Variants in PRKN observed in about 807,000 individuals in gnomAD.
The protein encoded by PRKN is parkin RBR E3 ubiquitin protein ligase.
Under a neutral mutation model 59.5 loss-of-function variants are expected in PRKN, and 56 were observed. That is an observed-to-expected ratio of 0.94 (90% CI 0.76 to 1.18). The LOEUF is 1.18. PRKN is among the 50% of genes most tolerant of loss of function. PRKN has a pLI of 0.00. For synonymous variants in PRKN, 250 were observed against 222.1 expected (o/e 1.13, Z -1.12); for missense variants, 657 against 596.4 (o/e 1.10, Z -1.06).
At chr6:161,668,860 G>A (rs559590112) in intron 7 of PRKN, among the ~76,000 whole-genome samples, 2 of 152,250 alleles carry the variant, frequency 1.3e-5, no homozygotes, top group South Asian at 4.2e-4. Context: ...CCTGTGACCT[G>A]CTTCTACCCC....
chr6:161,390,794 G>A lies in PRKN; in HGVS notation c.1084-3917C>T, dbSNP rs191826325. 5.3e-5 allele frequency among the ~76,000 whole-genome samples: 8 copies of A among 152,206 alleles called. No homozygotes were observed. The highest frequency in any genetic ancestry group is 1.7e-4 in the African/African-American group (7 of 41,498). On this transcript the variant is annotated intron_variant, in intron 9 of 11. Transcript: ENST00000366898. This position sits in a 1 kb window ranked among gnomAD's most constrained non-coding sequence, Gnocchi z 7.0. ...ATGAGCCACCGTGCCTGGCCAAGAC[G>A]TGATTATTTTTAAGAATAAAATAAA... is the stretch of plus-strand genomic sequence containing the variant.
chr6:162,533,505 G>C (rs1778594797), intron 1 of PRKN, among the ~76,000 whole-genome samples: 1 of 152,082 alleles, frequency 6.6e-6, no homozygotes. Context: ...TCAAGCCTGG[G>C]TGACACAGTG....
At position 161,588,967 on chromosome 6, in the gene PRKN, C is replaced by A. The variant is rs572523814; in HGVS notation, c.872-19551G>T. Reference sequence around the variant, plus strand: ...AACCGGTATCCTCTAGTTTATCTGGCAGCCTTACCAAGCCATAATTCAGAG... The same window carrying A: ...AACCGGTATCCTCTAGTTTATCTGGAAGCCTTACCAAGCCATAATTCAGAG... On this transcript the variant is annotated intron_variant, in intron 7 of 11. Coordinates refer to ENST00000366898, the MANE Select transcript of PRKN (RefSeq NM_004562.3). This position sits in a 1 kb window ranked among gnomAD's most constrained non-coding sequence, Gnocchi z 5.0. Among the ~76,000 whole-genome samples, 1,230 of 152,238 alleles carry A rather than the reference C, an allele frequency of 8.1e-3. 5 individuals are homozygous for A. Among genetic ancestry groups the A allele is most frequent in the Non-Finnish European group, 0.014 (934 of 68,012 alleles).
intron 1 of PRKN, among the ~76,000 whole-genome samples, chr6:162,651,711 G>C (rs1033522948): frequency 2.6e-5 from 4 of 152,162 alleles, no homozygotes; most frequent in African/African-American, 7.2e-5. Flanking sequence ...CTCAGGTTAC[G>C]TAAGTGGATT....
intron 2 of PRKN, among the ~76,000 whole-genome samples, chr6:162,375,847 T>TACTTTTC (rs1046456500): frequency 3.0e-4 from 46 of 151,982 alleles, no homozygotes; most frequent in African/African-American, 1.1e-3. Flanking sequence ...CAAGTAAATA[T>TACTTTTC]ACTTTTCACT....
At chr6:162,145,585 T>C (rs1781989601) in intron 4 of PRKN, among the ~76,000 whole-genome samples, 1 of 152,026 alleles carries the variant, frequency 6.6e-6, no homozygotes, top group Non-Finnish European at 1.5e-5. Context: ...AAAGCAGAGA[T>C]TTATTGAAAG....
At chr6:161,914,335 A>G (rs950375612) in intron 6 of PRKN, among the ~76,000 whole-genome samples, 1 of 152,188 alleles carries the variant, frequency 6.6e-6, no homozygotes, top group African/African-American at 2.4e-5. Flanking sequence ...ACCTTTTATG[A>G]AAAAGATATA....
chr6:161,750,764 G>A (rs1788656729), intron 7 of PRKN, among the ~76,000 whole-genome samples: 1 of 145,588 alleles, frequency 6.9e-6, no homozygotes, highest in Non-Finnish European at 1.5e-5. Flanking sequence ...TGAAACTCTT[G>A]TCTCAAAAAA....
rs1450468124 is a variant in PRKN at position 161,473,243 on chromosome 6, C to T, written c.1083+75611G>A. Reference sequence around the variant, plus strand: ...TACAATAGCAAGATATGCAAACAACCTAAGTAAGCATCAAAGGATGAATGG... The same window carrying T: ...TACAATAGCAAGATATGCAAACAACTTAAGTAAGCATCAAAGGATGAATGG... On this transcript the variant is annotated intron_variant, in intron 9 of 11. Coordinates refer to ENST00000366898, the MANE Select transcript of PRKN (RefSeq NM_004562.3). This position sits in a 1 kb window ranked among gnomAD's most constrained non-coding sequence, Gnocchi z 4.1. 6.6e-6 allele frequency among the ~76,000 whole-genome samples: 1 copy of T among 151,612 alleles called. No homozygotes were observed. The highest frequency in any genetic ancestry group is 2.1e-4 in the South Asian group (1 of 4,776).
At position 161,514,979 on chromosome 6, in the gene PRKN, G is replaced by A. The variant is rs75075174; in HGVS notation, c.1083+33875C>T. Among the ~76,000 whole-genome samples, 1,421 of 149,598 alleles carry A rather than the reference G, an allele frequency of 9.5e-3. 19 individuals carry two copies. Among genetic ancestry groups the A allele is most frequent in the African/African-American group, 0.033 (1,358 of 40,944 alleles). ...GAGGTGGCAGTTGAGAGGCCCAATT[G>A]TTAGTTAAAGATGGGCCAGGGGGAA... On this transcript the variant is annotated intron_variant, in intron 9 of 11. Transcript: ENST00000366898.
chr6:162,542,552 T>A (rs1250219040), intron 1 of PRKN, among the ~76,000 whole-genome samples: 1 of 152,138 alleles, frequency 6.6e-6, no homozygotes, highest in Non-Finnish European at 1.5e-5. Flanking sequence ...AGAGACAGCG[T>A]GATGCATGAG....
In PRKN at chr6:161,526,257, A is replaced by T. The variant is rs1312219513; in HGVS notation, c.1083+22597T>A. Among the ~76,000 whole-genome samples, 1 of 152,266 alleles carries T rather than the reference A, an allele frequency of 6.6e-6. No homozygotes were observed. The highest frequency in any genetic ancestry group is 1.5e-5 in the Non-Finnish European group (1 of 68,044). ...CTGTGAACCTGGTACAGCTGGCTCC[A>T]GCCTCCAGTAGACACTCATGTGTTC... is the stretch of plus-strand genomic sequence containing the variant. On this transcript the variant is annotated intron_variant, in intron 9 of 11. Coordinates refer to ENST00000366898, the MANE Select transcript of PRKN (RefSeq NM_004562.3). This position sits in a 1 kb window ranked among gnomAD's most constrained non-coding sequence, Gnocchi z 4.1.
Position 161,643,978 on chromosome 6 carries a change from G to A in PRKN, c.872-74562C>T, listed in dbSNP as rs893966006. 4.6e-5 allele frequency among the ~76,000 whole-genome samples: 7 copies of A among 151,730 alleles called. No individual in the cohort carries two copies. In the South Asian group the frequency reaches 1.1e-3, roughly 23 times the overall value. ...TGTCTTAAGATATCTTGGTGGGGGG[G>A]GCCACAGTTCATCAATGCCAGAGGA... On this transcript the variant is annotated intron_variant, in intron 7 of 11. Coordinates refer to ENST00000366898, the MANE Select transcript of PRKN (RefSeq NM_004562.3).
chr6:162,662,454 T>C (rs1399272534), intron 1 of PRKN, among the ~76,000 whole-genome samples: 2 of 152,186 alleles, frequency 1.3e-5, no homozygotes, highest in Non-Finnish European at 2.9e-5. Flanking sequence ...TTTTTGTTTA[T>C]GTTGCATTTC....
At chr6:162,334,142 C>T (rs1442734442) in intron 2 of PRKN, among the ~76,000 whole-genome samples, 2 of 152,168 alleles carry the variant, frequency 1.3e-5, no homozygotes, top group Admixed American at 1.3e-4. Flanking sequence ...GAAACTGTCT[C>T]CATCATGTAA....
chr6:161,786,778 A>G (rs1301352936), intron 6 of PRKN, among the ~76,000 whole-genome samples: 1 of 152,202 alleles, frequency 6.6e-6, no homozygotes, highest in Admixed American at 6.5e-5. Flanking sequence ...GGATTCTTCT[A>G]CTGCAAGATT....
In PRKN at chr6:162,691,419, G is replaced by C. The variant is rs76237329; in HGVS notation, c.7+36243C>G. Among the ~76,000 whole-genome samples, 676 of 152,014 alleles carry C rather than the reference G, an allele frequency of 4.4e-3. 1 individual carries two copies. Among genetic ancestry groups the C allele is most frequent in the Middle Eastern group, 0.01 (3 of 294 alleles). ...TAGTGTCAGAAAATGCCAACTTTTT[G>C]CATAATTTCAAGAATATATTCCAAA... On this transcript the variant is annotated intron_variant, in intron 1 of 11. Transcript: ENST00000366898.
At chr6:162,135,304 A>T (rs1390710398) in intron 4 of PRKN, among the ~76,000 whole-genome samples, 1 of 152,066 alleles carries the variant, frequency 6.6e-6, no homozygotes, top group Non-Finnish European at 1.5e-5. Context: ...GACTAGCTAA[A>T]ACACCGCGAT....
chr6:162,045,738 A>G (rs925702942), intron 5 of PRKN, among the ~76,000 whole-genome samples: 17 of 152,218 alleles, frequency 1.1e-4, no homozygotes, highest in African/African-American at 4.1e-4. Context: ...GGGAGCCATC[A>G]ATCACCTGCT....
Sources: gnomAD v4.1 joint callset for allele counts (sites outside exome capture counted in the v4.1 genomes callset) on GRCh38, gnomAD v4.1.1 for gene constraint, Gnocchi (gnomAD v3.1) non-coding constraint, MANE v1.5 for transcripts, NCBI Gene and HGNC (gene_info 2026-07-23, HGNC 2026-07-21) for gene names.